PDCD1LG2: variants seen among roughly 807,000 people sequenced by gnomAD.
PDCD1LG2 encodes programmed cell death 1 ligand 2.
In PDCD1LG2, 32 loss-of-function variants were observed where a neutral mutation model predicts 28.2. The observed-to-expected ratio is 1.13, with a 90% confidence interval of 0.86 to 1.52. The LOEUF (loss-of-function observed/expected upper bound fraction) is 1.52. PDCD1LG2 is among the 40% of genes most tolerant of loss of function. The pLI is 0.00. For missense variants in PDCD1LG2, 385 were observed against 323.8 expected (o/e 1.19, Z -1.45); for synonymous variants, 116 against 120.2 (o/e 0.97, Z 0.23).
intron 2 of PDCD1LG2, among the ~76,000 whole-genome samples, chr9:5,523,952 T>C (rs1450557028): frequency 6.6e-6 from 1 of 152,214 alleles, no homozygotes; most frequent in African/African-American, 2.4e-5. Context: ...TCATTGGCTC[T>C]TTCTACAGAG....
At chr9:5,519,256 T>A (rs558846882) in intron 1 of PDCD1LG2, among the ~76,000 whole-genome samples, 2 of 152,224 alleles carry the variant, frequency 1.3e-5, no homozygotes, top group South Asian at 4.1e-4. Flanking sequence ...GGCAGTTGCA[T>A]AGTGTTGGGA....
chr9:5,526,103 G>C (rs1273301095), intron 2 of PDCD1LG2, among the ~76,000 whole-genome samples: 3 of 151,500 alleles, frequency 2.0e-5, no homozygotes, highest in African/African-American at 2.4e-5. Flanking sequence ...CAGGACGCCA[G>C]TTACCTCTGG....
At chr9:5,548,701 A>T (rs1314272184) in intron 3 of PDCD1LG2, among the ~76,000 whole-genome samples, 4 of 152,176 alleles carry the variant, frequency 2.6e-5, no homozygotes, top group African/African-American at 9.7e-5. Flanking sequence ...GTTTGTGTGT[A>T]TGTATCTGCA....
At chr9:5,550,095 C>A (rs1586813465) in intron 4 of PDCD1LG2, among the ~76,000 whole-genome samples, 1 of 152,308 alleles carries the variant, frequency 6.6e-6, no homozygotes, top group East Asian at 1.9e-4. Context: ...CAGAAAATAT[C>A]TAGTACAATA....
rs2129975638 is a variant in PDCD1LG2, at chr9:5,569,966, G to A, written c.*7G>A. ...CTTTTCTCCCCAGATCTGAACCTGT[G>A]GTCTTGGGAGCCAGGGTGACCTGAT... is the stretch of plus-strand genomic sequence containing the variant. On this transcript the variant is annotated 3_prime_UTR_variant, in exon 7 of 7. Coordinates refer to ENST00000397747, the MANE Select transcript of PDCD1LG2 (RefSeq NM_025239.4). This position sits in a 1 kb window ranked among gnomAD's most constrained non-coding sequence, Gnocchi z 4.1. 6.2e-7 allele frequency: 1 copy of A among 1,613,902 alleles called. No homozygotes were observed. Among genetic ancestry groups the A allele is most frequent in the Non-Finnish European group, 8.5e-7 (1 of 1,179,850 alleles).
At chr9:5,522,726 C>A in intron 2 of PDCD1LG2, 125 bp downstream of exon 2, 2 of 754,748 alleles carry the variant, frequency 2.6e-6, no homozygotes, top group African/African-American at 1.8e-5. Context: ...GATTTCTGGG[C>A]TATTCCAAGC....
intron 1 of PDCD1LG2, among the ~76,000 whole-genome samples, chr9:5,519,255 A>C (rs968444367): frequency 6.6e-6 from 1 of 152,170 alleles, no homozygotes; most frequent in Non-Finnish European, 1.5e-5. Flanking sequence ...AGGCAGTTGC[A>C]TAGTGTTGGG....
At chr9:5,545,117 C>A (rs79653866) in intron 3 of PDCD1LG2, among the ~76,000 whole-genome samples, 2,941 of 152,272 alleles carry the variant, frequency 0.019, 97 homozygotes, top group African/African-American at 0.067. Flanking sequence ...TAATTGCTAA[C>A]ACTAATTGAG....
chr9:5,518,118 A>G (rs992253059), intron 1 of PDCD1LG2, among the ~76,000 whole-genome samples: 1 of 152,262 alleles, frequency 6.6e-6, no homozygotes, highest in Non-Finnish European at 1.5e-5. Flanking sequence ...TACTATTAGC[A>G]TAATAGGAAA....
In PDCD1LG2 at chr9:5,569,925, T is replaced by G. The variant is rs1345537510; in HGVS notation, c.817-29T>G. On this transcript the variant is annotated intron_variant, in intron 6 of 6. Transcript: ENST00000397747. This position sits in a 1 kb window ranked among gnomAD's most constrained non-coding sequence, Gnocchi z 4.1. ...ATATTTTCTAATCATAAAAAATGAT[T>G]TTTCTTATTTGTGGGCTTTTCTCCC... The G allele has an allele frequency of 6.8e-6, 11 of 1,612,012 alleles. No individual in the cohort carries two copies. Among genetic ancestry groups the G allele is most frequent in the Admixed American group, 3.3e-5 (2 of 59,766 alleles).
intron 1 of PDCD1LG2, among the ~76,000 whole-genome samples, chr9:5,515,648 G>C (rs1820142626): frequency 6.6e-6 from 1 of 152,168 alleles, no homozygotes; most frequent in African/African-American, 2.4e-5. Flanking sequence ...ACACAAGCCA[G>C]GCACAGTGGC....
intron 3 of PDCD1LG2, among the ~76,000 whole-genome samples, chr9:5,541,129 T>C (rs1377783257): frequency 1.3e-5 from 2 of 152,184 alleles, no homozygotes; most frequent in African/African-American, 2.4e-5. Context: ...ATCATCTCAA[T>C]AGATTCAGAA....
rs556843139 is a variant in PDCD1LG2 at position 5,569,255 on chromosome 9, G to C, written c.817-699G>C. ...TTTATAAAGGTGTGTGCAGCATTAA[G>C]GGAAACCAGCAAGGGATACTGAGCA... On this transcript the variant is annotated intron_variant, in intron 6 of 6. Coordinates refer to ENST00000397747, the MANE Select transcript of PDCD1LG2 (RefSeq NM_025239.4). The surrounding 1 kb of genome is among the most constrained non-coding windows in gnomAD (Gnocchi z 4.1). Among the ~76,000 whole-genome samples, 52 of 152,302 alleles carry C rather than the reference G, an allele frequency of 3.4e-4. No homozygotes were observed. In the South Asian group the frequency reaches 9.9e-3, roughly 29 times the overall value.
chr9:5,562,546 A>T (rs1261518457), intron 5 of PDCD1LG2, among the ~76,000 whole-genome samples: 4 of 152,184 alleles, frequency 2.6e-5, no homozygotes, highest in African/African-American at 9.7e-5. Context: ...TTCAATGTAC[A>T]CTATTTGGGT....
intron 3 of PDCD1LG2, among the ~76,000 whole-genome samples, chr9:5,535,519 T>C (rs1171343042): frequency 6.6e-6 from 1 of 152,108 alleles, no homozygotes; most frequent in Admixed American, 6.6e-5. Flanking sequence ...TAAAAAATAA[T>C]GTATAGAAGA....
At chr9:5,517,224 C>G (rs182453015) in intron 1 of PDCD1LG2, among the ~76,000 whole-genome samples, 2 of 152,166 alleles carry the variant, frequency 1.3e-5, no homozygotes, top group Non-Finnish European at 1.5e-5. Context: ...TTACATAAGA[C>G]AGTCTCAGGA....
chr9:5,530,124 T>C (rs1463901602), intron 2 of PDCD1LG2, among the ~76,000 whole-genome samples: 2 of 152,186 alleles, frequency 1.3e-5, no homozygotes, highest in Admixed American at 1.3e-4. Context: ...TCGTTGTGTG[T>C]TTCCTGAATA....
intron 2 of PDCD1LG2, among the ~76,000 whole-genome samples, chr9:5,531,845 A>C (rs956036565): frequency 1.3e-5 from 2 of 152,206 alleles, no homozygotes; most frequent in African/African-American, 4.8e-5. Context: ...ATTAAACAAG[A>C]GAAGTATTAT....
chr9:5,564,048 T>A (rs150310998), intron 6 of PDCD1LG2, among the ~76,000 whole-genome samples: 1 of 152,192 alleles, frequency 6.6e-6, no homozygotes, highest in Non-Finnish European at 1.5e-5. Context: ...AAATTAATCA[T>A]CACAGGCACC....
Sources: gnomAD v4.1 joint callset for allele counts (sites outside exome capture counted in the v4.1 genomes callset) on GRCh38, gnomAD v4.1.1 for gene constraint, Gnocchi (gnomAD v3.1) non-coding constraint, MANE v1.5 for transcripts, NCBI Gene and HGNC (gene_info 2026-07-23, HGNC 2026-07-21) for gene names.